Variants in CNTN5 observed in about 807,000 individuals in gnomAD.
CNTN5 encodes the protein contactin-5.
Under a neutral mutation model 129.1 loss-of-function variants are expected in CNTN5, and 77 were observed. The ratio of observed to expected loss-of-function variants is 0.60; its 90% CI spans 0.50 to 0.72. CNTN5 has a LOEUF of 0.72. CNTN5 is among the 30% of genes least tolerant of loss of function. The probability of loss-of-function intolerance (pLI) is 0.00; values close to 1 mark genes in which losing one functional copy is unlikely to be tolerated. For missense variants in CNTN5, 1,478 were observed against 1,328.8 expected (o/e 1.11, Z -1.75); for synonymous variants, 509 against 465.6 (o/e 1.09, Z -1.20).
At position 99,974,959 on chromosome 11, in the gene CNTN5, T is replaced by C. The variant is rs12274484; in HGVS notation, c.877+17950T>C. Among the ~76,000 whole-genome samples the C allele has an allele frequency of 4.7e-3, 715 of 152,382 alleles. 7 individuals are homozygous for C. The highest frequency in any genetic ancestry group is 0.015 in the African/African-American group (639 of 41,582). On this transcript the variant is annotated intron_variant, in intron 8 of 24. Transcript: ENST00000524871. ...TAAATGAAAGCCAACATAAATATTT[T>C]ACTGTCATCCTAACATCATGGTGAT...
rs527832930 is a variant in CNTN5 at position 99,897,718 on chromosome 11, C to A, written c.578-18336C>A. On this transcript the variant is annotated intron_variant, in intron 6 of 24. Coordinates refer to ENST00000524871, the MANE Select transcript of CNTN5 (RefSeq NM_014361.4). ...CAGATATATACAGAACTCACAGACC[C>A]TATAAAGCAACTGCGTAATTAAAAC... Among the ~76,000 whole-genome samples the A allele has an allele frequency of 1.8e-4, 28 of 151,990 alleles. No homozygotes were observed. The South Asian group carries it at 5.0e-3, about 27-fold the overall frequency.
At chr11:99,241,723 C>A (rs17133350) in intron 1 of CNTN5, among the ~76,000 whole-genome samples, 5,669 of 152,100 alleles carry the variant, frequency 0.037, 363 homozygotes, top group African/African-American at 0.13. Flanking sequence ...TGACAGGTAA[C>A]ACAGCTTATT....
intron 3 of CNTN5, among the ~76,000 whole-genome samples, chr11:99,797,476 C>T (rs956290535): frequency 4.6e-5 from 7 of 152,094 alleles, no homozygotes; most frequent in Non-Finnish European, 8.8e-5. Context: ...GCCATTCTGA[C>T]TTGTGTGAGA....
chr11:99,902,359 C>A (rs1308289644), intron 6 of CNTN5, among the ~76,000 whole-genome samples: 1 of 151,784 alleles, frequency 6.6e-6, no homozygotes, highest in African/African-American at 2.4e-5. Context: ...TTGCCTTTTG[C>A]CTTGCAAAGC....
At chr11:100,243,292 A>G (rs2138687826) in intron 16 of CNTN5, among the ~76,000 whole-genome samples, 1 of 152,358 alleles carries the variant, frequency 6.6e-6, no homozygotes, top group African/African-American at 2.4e-5. Context: ...CAAAGGCTTC[A>G]GTGTTCACTG....
At chr11:99,371,428 G>A (rs1939815692) in intron 2 of CNTN5, among the ~76,000 whole-genome samples, 1 of 151,986 alleles carries the variant, frequency 6.6e-6, no homozygotes, top group South Asian at 2.1e-4. Context: ...TGCAACAAGT[G>A]TACTTTGAGT....
intron 2 of CNTN5, among the ~76,000 whole-genome samples, chr11:99,384,810 A>G (rs555081885): frequency 1.1e-4 from 16 of 152,304 alleles, no homozygotes; most frequent in Admixed American, 2.0e-4. Flanking sequence ...TGATGTTTTG[A>G]TATGTCTACT....
intron 1 of CNTN5, among the ~76,000 whole-genome samples, chr11:99,303,569 A>T (rs938430261): frequency 6.6e-6 from 1 of 151,050 alleles, no homozygotes; most frequent in African/African-American, 2.4e-5. Context: ...ATCTTGACCC[A>T]AACTAATATC....
chr11:100,041,533 C>T (rs917399817), intron 9 of CNTN5, among the ~76,000 whole-genome samples: 2 of 152,152 alleles, frequency 1.3e-5, no homozygotes, highest in Non-Finnish European at 2.9e-5. Flanking sequence ...GGCAAGGCTG[C>T]TTTGGCATGT....
At chr11:99,159,292 C>G (rs986059829) in intron 1 of CNTN5, among the ~76,000 whole-genome samples, 3 of 152,128 alleles carry the variant, frequency 2.0e-5, no homozygotes, top group Non-Finnish European at 2.9e-5. Context: ...TTATCAATTT[C>G]AAAAGGGGCA....
intron 3 of CNTN5, among the ~76,000 whole-genome samples, chr11:99,788,741 C>A (rs1023664121): frequency 6.6e-6 from 1 of 151,906 alleles, no homozygotes; most frequent in Admixed American, 6.6e-5. Flanking sequence ...TACTCCATCA[C>A]CTCTTGGCCA....
chr11:99,440,263 G>T (rs1394397248), intron 2 of CNTN5, among the ~76,000 whole-genome samples: 2 of 151,978 alleles, frequency 1.3e-5, no homozygotes, highest in African/African-American at 2.4e-5. Context: ...GATATATTTT[G>T]CTGTTGAAAT....
At chr11:99,378,110 T>C (rs530643115) in intron 2 of CNTN5, among the ~76,000 whole-genome samples, 2 of 152,172 alleles carry the variant, frequency 1.3e-5, no homozygotes, top group South Asian at 2.1e-4. Flanking sequence ...TCTTTGGTTT[T>C]GGAAATTACA....
intron 1 of CNTN5, among the ~76,000 whole-genome samples, chr11:99,179,443 A>G (rs1315096173): frequency 6.6e-6 from 1 of 152,214 alleles, no homozygotes; most frequent in African/African-American, 2.4e-5. Context: ...CTCCCTCTCA[A>G]AAGTAAAAAA....
chr11:99,502,423 G>A (rs1247958524), intron 2 of CNTN5, among the ~76,000 whole-genome samples: 2 of 152,038 alleles, frequency 1.3e-5, no homozygotes, highest in Admixed American at 1.3e-4. Context: ...GGGGTTGGGG[G>A]GGTGGTTTCC....
intron 13 of CNTN5, among the ~76,000 whole-genome samples, chr11:100,115,723 A>G (rs1425386537): frequency 6.6e-6 from 1 of 152,068 alleles, no homozygotes; most frequent in East Asian, 1.9e-4. Context: ...AAATCATAAA[A>G]TGTTAGTGGA....
rs563804426 is a variant in CNTN5, at chr11:99,531,040, T to G, written c.-70-25105T>G. Among the ~76,000 whole-genome samples the G allele has an allele frequency of 1.6e-4, 24 of 152,310 alleles. No individual in the cohort carries two copies. In the East Asian group the frequency reaches 4.6e-3, roughly 29 times the overall value. ...GTAACAGGCAGAGGCTGGAACAGTT[T>G]GGAAGGCTCAGAAGAAGACAGGAAA... On this transcript the variant is annotated intron_variant, in intron 2 of 24. Coordinates refer to ENST00000524871, the MANE Select transcript of CNTN5 (RefSeq NM_014361.4).
rs181983911 is a variant in CNTN5, at chr11:99,653,983, A to G, written c.55+97714A>G. Among the ~76,000 whole-genome samples, 340 of 146,590 alleles carry G rather than the reference A, an allele frequency of 2.3e-3. 1 individual carries two copies. The highest frequency in any genetic ancestry group is 8.2e-3 in the African/African-American group (310 of 37,960). The stretch of plus-strand genomic sequence containing the variant: ...CAGTTCAACTGCTGTTATTTCTATT[A>G]AAAAAAAAATCCATCAAGTTGTTTA... On this transcript the variant is annotated intron_variant, in intron 3 of 24. Transcript: ENST00000524871.
intron 1 of CNTN5, among the ~76,000 whole-genome samples, chr11:99,047,838 CA>C (rs1483442838): frequency 6.6e-6 from 1 of 151,930 alleles, no homozygotes; most frequent in Non-Finnish European, 1.5e-5. Context: ...TATTTTTATA[CA>C]ATTATTTTAA....
Sources: gnomAD v4.1 joint callset for allele counts (sites outside exome capture counted in the v4.1 genomes callset) on GRCh38, gnomAD v4.1.1 for gene constraint, MANE v1.5 for transcripts, NCBI Gene and HGNC (gene_info 2026-07-23, HGNC 2026-07-21) for gene names.